ADGRL2: variants seen among roughly 807,000 people sequenced by gnomAD.
The protein encoded by ADGRL2 is adhesion G protein-coupled receptor L2, also known as calcium-independent alpha-latrotoxin receptor 2.
In ADGRL2, 44 loss-of-function variants were observed where a neutral mutation model predicts 157.4. That is an observed-to-expected ratio of 0.28 (90% CI 0.22 to 0.36). ADGRL2 has a LOEUF of 0.36. ADGRL2 is among the 10% of genes least tolerant of loss of function. The pLI, the probability that ADGRL2 is intolerant of heterozygous loss-of-function variation, is 1.00. For missense variants in ADGRL2, 1,510 were observed against 1,768.9 expected (o/e 0.85, Z 2.63); for synonymous variants, 585 against 624.7 (o/e 0.94, Z 0.95).
intron 2 of ADGRL2, among the ~76,000 whole-genome samples, chr1:81,871,556 G>GTA (rs1255738417): frequency 1.3e-5 from 2 of 152,130 alleles, no homozygotes; most frequent in Non-Finnish European, 2.9e-5. Flanking sequence ...CACCAGCAGT[G>GTA]TAAAAGTGAT....
At chr1:81,876,583 A>G (rs961779852) in intron 2 of ADGRL2, among the ~76,000 whole-genome samples, 1 of 112,282 alleles carries the variant, frequency 8.9e-6, no homozygotes, top group African/African-American at 3.9e-5. Context: ...TTACCTGGCT[A>G]TCAATAAGTA....
At chr1:81,406,651 T>C (rs1207622692) in intron 1 of ADGRL2, among the ~76,000 whole-genome samples, 1 of 152,328 alleles carries the variant, frequency 6.6e-6, no homozygotes, top group South Asian at 2.1e-4. Context: ...ACCATTGCTA[T>C]TGATATTTTT....
chr1:81,874,502 C>A lies in ADGRL2; in HGVS notation c.74-32515C>A, dbSNP rs143185554. Among the ~76,000 whole-genome samples the A allele has an allele frequency of 4.5e-4, 69 of 152,136 alleles. No individual in the cohort carries two copies. The East Asian group carries it at 0.012, about 27-fold the overall frequency. On this transcript the variant is annotated intron_variant, in intron 2 of 23. Coordinates refer to ENST00000686636, the MANE Select transcript of ADGRL2 (RefSeq NM_001366006.2). ...ATTAAATTGTTACTGAAACTTAAAA[C>A]CAAGATAAAGCTGAAAGTGTATCCT... is the stretch of plus-strand genomic sequence containing the variant.
chr1:81,682,827 G>A (rs1166156580), intron 3 of ADGRL2, among the ~76,000 whole-genome samples: 1 of 152,148 alleles, frequency 6.6e-6, no homozygotes, highest in East Asian at 1.9e-4. Context: ...GCTTTAGAAT[G>A]TTCGTGAAAA....
intron 2 of ADGRL2, among the ~76,000 whole-genome samples, chr1:81,548,947 GA>G (rs2080081846): frequency 6.6e-6 from 1 of 152,200 alleles, no homozygotes; most frequent in Non-Finnish European, 1.5e-5. Flanking sequence ...TTGAAGGCTA[GA>G]AAAAGCCAAC....
chr1:81,837,009 C>T lies in ADGRL2; in HGVS notation c.25C>T (p.Arg9Ter). ...AATGGTGTCTTCTGGTTGCAGAATG[C>T]GAAGTCTGTGGTTTATCATTGTAAT... MVSSGCRM[R>*]SLWFIIVISF... is the part of the protein sequence containing the mutation. Residue 9 changes from arginine (R) to a stop codon, truncating the protein, a stop_gained, in exon 2 of 24, where the codon CGA becomes TGA. Coordinates refer to ENST00000686636, the MANE Select transcript of ADGRL2 (RefSeq NM_001366006.2). LOFTEE classifies it high-confidence loss of function. The T allele has an allele frequency of 6.3e-7, 1 of 1,591,248 alleles. No homozygotes were observed.
intron 1 of ADGRL2, among the ~76,000 whole-genome samples, chr1:81,355,487 CA>C (rs1373814808): frequency 6.6e-6 from 1 of 152,026 alleles, no homozygotes; most frequent in Non-Finnish European, 1.5e-5. Flanking sequence ...TGTGTCAATC[CA>C]AAAAAGTTTC....
upstream of ADGRL2, among the ~76,000 whole-genome samples, chr1:81,694,923 C>T (rs2083412601): frequency 6.6e-6 from 1 of 151,888 alleles, no homozygotes; most frequent in Admixed American, 6.6e-5. Flanking sequence ...TATATGCATC[C>T]CTTTTAGTAG....
chr1:81,399,410 T>C (rs2076712432), intron 1 of ADGRL2, among the ~76,000 whole-genome samples: 1 of 152,220 alleles, frequency 6.6e-6, no homozygotes, highest in Non-Finnish European at 1.5e-5. Flanking sequence ...AAGTCCATAA[T>C]ACTAATAAAT....
At chr1:81,529,973 G>T (rs1416841510) in intron 2 of ADGRL2, among the ~76,000 whole-genome samples, 1 of 152,214 alleles carries the variant, frequency 6.6e-6, no homozygotes, top group Non-Finnish European at 1.5e-5. Context: ...GCTCACAAGA[G>T]AAACTGTATA....
At chr1:81,394,881 T>G (rs2076627199) in intron 1 of ADGRL2, among the ~76,000 whole-genome samples, 1 of 36,232 alleles carries the variant, frequency 2.8e-5, no homozygotes, top group Admixed American at 3.7e-4. Flanking sequence ...TCTCTCTTTT[T>G]TATTTATTTA....
chr1:81,317,000 T>C (rs973471901), intron 1 of ADGRL2, among the ~76,000 whole-genome samples: 9 of 152,208 alleles, frequency 5.9e-5, no homozygotes, highest in African/African-American at 2.2e-4. Flanking sequence ...TGTCCAATGC[T>C]ATCTGTCTGT....
chr1:81,797,960 C>T (rs1402426799), upstream of ADGRL2, among the ~76,000 whole-genome samples: 1 of 151,998 alleles, frequency 6.6e-6, no homozygotes, highest in African/African-American at 2.4e-5. Context: ...ATGGGTGTTT[C>T]CTTTGTCCTT....
In ADGRL2 at chr1:81,969,217, A is replaced by T. The variant is rs764906475; in HGVS notation, c.2563A>T (p.Thr855Ser). The change falls in exon 15 of 24, where the codon ACC (threonine) becomes TCC (serine). Residue 855 changes from threonine to serine, a missense_variant. Thr to Ser is a moderately conservative substitution (Grantham distance 58, BLOSUM62 1). Transcript: ENST00000686636. ...TCATGAATTACTTCTTACAGTCATCACCTGGGTGGGAATTGTCATTTCCCT... is the reference window on the plus strand; with the variant it reads ...TCATGAATTACTTCTTACAGTCATCTCCTGGGTGGGAATTGTCATTTCCCT... Reference protein sequence around the residue: ...GVHELLLTVITWVGIVISLVC... With the variant: ...GVHELLLTVISWVGIVISLVC... The T allele has an allele frequency of 6.8e-6, 11 of 1,613,890 alleles. No individual in the cohort carries two copies. The South Asian group carries it at 1.2e-4, about 18-fold the overall frequency.
intron 2 of ADGRL2, among the ~76,000 whole-genome samples, chr1:81,765,839 G>C (rs2086098391): frequency 6.6e-6 from 1 of 152,000 alleles, no homozygotes; most frequent in African/African-American, 2.4e-5. Flanking sequence ...ATAGCCAATA[G>C]TCATTTTGTC....
At chr1:81,790,259 G>GCA (rs765924041) in intron 2 of ADGRL2, among the ~76,000 whole-genome samples, 17 of 151,404 alleles carry the variant, frequency 1.1e-4, no homozygotes, top group Admixed American at 2.0e-4. Flanking sequence ...TCTAATGCAC[G>GCA]CACACACACA....
intron 3 of ADGRL2, among the ~76,000 whole-genome samples, chr1:81,935,737 C>G (rs1209478237): frequency 6.6e-6 from 1 of 151,816 alleles, no homozygotes. Flanking sequence ...TGAAAACATT[C>G]CATTCATTAG....
chr1:81,688,638 C>T (rs2083276250), intron 3 of ADGRL2, among the ~76,000 whole-genome samples: 1 of 152,142 alleles, frequency 6.6e-6, no homozygotes, highest in Non-Finnish European at 1.5e-5. Flanking sequence ...CCCTGATTAG[C>T]TTAATTACTA....
At chr1:81,645,695 C>G (rs1219390638) in intron 3 of ADGRL2, among the ~76,000 whole-genome samples, 1 of 152,096 alleles carries the variant, frequency 6.6e-6, no homozygotes, top group Non-Finnish European at 1.5e-5. Flanking sequence ...TCCTTATTCT[C>G]TACAATTGCT....
Sources: allele counts gnomAD v4.1 joint callset (sites outside exome capture counted in the v4.1 genomes callset), GRCh38; gene constraint gnomAD v4.1.1; transcripts MANE v1.5; gene names NCBI Gene and HGNC (gene_info 2026-07-23, HGNC 2026-07-21).